TIGIT: variants seen among roughly 807,000 people sequenced by gnomAD.
TIGIT encodes the protein T-cell immunoreceptor with Ig and ITIM domains.
Under a neutral mutation model 19.6 loss-of-function variants are expected in TIGIT, and 11 were observed. The observed-to-expected ratio is 0.56, with a 90% CI of 0.35 to 0.93. The LOEUF (loss-of-function observed/expected upper bound fraction) is 0.93, where lower values mean the gene tolerates loss of function less well. Among genes scored for constraint, TIGIT ranks in the 40% least tolerant of loss-of-function variants. The pLI is 0.01. For synonymous variants in TIGIT, 130 were observed against 125.5 expected (o/e 1.04, Z -0.24); for missense variants, 295 against 303.9 (o/e 0.97, Z 0.22).
chr3:114,303,549 A>ATG (rs1316609329), intron 3 of TIGIT, among the ~76,000 whole-genome samples: 4 of 7,310 alleles, frequency 5.5e-4, no homozygotes, highest in Admixed American at 2.6e-3. Context: ...ACACATATAT[A>ATG]TGTATATATA....
intron 3 of TIGIT, among the ~76,000 whole-genome samples, chr3:114,303,630 T>TATACATATATATGTATATATATAC (rs1281900522): frequency 1.7e-5 from 2 of 115,894 alleles, no homozygotes; most frequent in African/African-American, 6.4e-5. Flanking sequence ...TGTATATATA[T>TATACATATATATGTATATATATAC]ACACACACAC....
At chr3:114,295,233 A>C (rs73238029) in intron 1 of TIGIT, among the ~76,000 whole-genome samples, 29,581 of 152,024 alleles carry the variant, frequency 0.19, 3,538 homozygotes, top group Middle Eastern at 0.36. Flanking sequence ...CTCTGGAAGC[A>C]TAGGGCAGTG....
rs1294185632 is a variant in TIGIT at position 114,295,784 on chromosome 3, A to C, written c.301A>C (p.Asn101His). 3 of 1,614,062 alleles carry C rather than the reference A, an allele frequency of 1.9e-6. No homozygotes were observed. The highest frequency in any genetic ancestry group is 1.3e-5 in the African/African-American group (1 of 74,924). ...LGLTLQSLTV[N>H]DTGEYFCIYH... is the part of the protein sequence containing the mutation. ...CCTCACCCTCCAGTCGCTGACCGTG[A>C]ACGATACAGGGGAGTACTTCTGCAT... is the stretch of plus-strand genomic sequence containing the variant. Residue 101 changes from asparagine (N) to histidine (H), a missense_variant, in exon 2 of 4, where the codon AAC becomes CAC. Transcript: ENST00000383671.
chr3:114,296,846 A>G (rs1438785038), intron 2 of TIGIT, among the ~76,000 whole-genome samples: 3 of 151,370 alleles, frequency 2.0e-5, no homozygotes, highest in Non-Finnish European at 4.4e-5. Flanking sequence ...GTGTAAACTG[A>G]GAAGATAAAA....
chr3:114,305,829 G>T (rs1209443580), intron 3 of TIGIT, among the ~76,000 whole-genome samples: 4 of 150,128 alleles, frequency 2.7e-5, no homozygotes, highest in East Asian at 2.0e-4. Flanking sequence ...TGGATGGATG[G>T]TTGGATGGAT....
At position 114,309,035 on chromosome 3, in the gene TIGIT, G is replaced by A. The variant is rs1000472252; in HGVS notation, c.*904G>A. 1 of 152,252 alleles carries A rather than the reference G, an allele frequency of 6.6e-6. No homozygotes were observed. Among genetic ancestry groups the A allele is most frequent in the African/African-American group, 2.4e-5 (1 of 41,452 alleles). 9.4% of individuals were successfully genotyped at this position (152,252 alleles called of 1,614,324 possible). On this transcript the variant is annotated 3_prime_UTR_variant, in exon 4 of 4. Transcript: ENST00000383671. ...GCCGTGTGTGCTGGGGAAGCCCCAG[G>A]AAACGCACATGCCCACACAGGGAGC...
chr3:114,296,048 C>G (rs774254605), intron 2 of TIGIT, 174 bp downstream of exon 2: 7 of 592,680 alleles, frequency 1.2e-5, no homozygotes, highest in Admixed American at 3.3e-5. Flanking sequence ...ATCAGAATCC[C>G]TAATAGCAGA....
chr3:114,305,780 AGATGGATG>A (rs139399080), intron 3 of TIGIT, among the ~76,000 whole-genome samples: 42,355 of 143,444 alleles, frequency 0.3, 7,059 homozygotes, highest in Middle Eastern at 0.4. Flanking sequence ...TAGGAGATAT[AGATGGATG>A]GATGGATGGA....
In TIGIT at chr3:114,307,292, C is replaced by A. The variant is rs190600970; in HGVS notation, c.499-603C>A. ...GGACACCTGCATCTGGAGCTCAGGG[C>A]AGAAGCCTGGGCTAGTTTAGATAGA... On this transcript the variant is annotated intron_variant, in intron 3 of 3. Coordinates refer to ENST00000383671, the MANE Select transcript of TIGIT (RefSeq NM_173799.4). 9.2e-5 allele frequency among the ~76,000 whole-genome samples: 14 copies of A among 152,240 alleles called. No homozygotes were observed. In the East Asian group the frequency reaches 2.7e-3, roughly 29 times the overall value.
At chr3:114,307,226 C>CT (rs2078541160) in intron 3 of TIGIT, among the ~76,000 whole-genome samples, 1 of 152,158 alleles carries the variant, frequency 6.6e-6, no homozygotes, top group East Asian at 1.9e-4. Context: ...TGAGTCTGAG[C>CT]TTGCCGTGGG....
At chr3:114,305,780 A>G (rs1003505604) in intron 3 of TIGIT, among the ~76,000 whole-genome samples, 2 of 143,650 alleles carry the variant, frequency 1.4e-5, no homozygotes, top group Non-Finnish European at 1.5e-5. Flanking sequence ...TAGGAGATAT[A>G]GATGGATGGA....
intron 3 of TIGIT, among the ~76,000 whole-genome samples, chr3:114,301,363 G>A (rs1018179711): frequency 6.6e-6 from 1 of 152,178 alleles, no homozygotes; most frequent in African/African-American, 2.4e-5. Context: ...GAAAGTCAAT[G>A]ATCTATAATA....
In TIGIT at chr3:114,299,708, T is replaced by G; in HGVS notation, c.498+5T>G. ...GTGGTCGCGTTGACTAGAAAGGTAA[T>G]GGCTCCGGCTGCACACCGCAGTCAT... On this transcript the variant is annotated splice_donor_5th_base_variant and intron_variant, in intron 3 of 3. Coordinates refer to ENST00000383671, the MANE Select transcript of TIGIT (RefSeq NM_173799.4). 6.3e-7 allele frequency: 1 copy of G among 1,598,360 alleles called. No homozygotes were observed.
At chr3:114,305,982 G>A (rs1241107865) in intron 3 of TIGIT, among the ~76,000 whole-genome samples, 1 of 152,152 alleles carries the variant, frequency 6.6e-6, no homozygotes, top group Non-Finnish European at 1.5e-5. Context: ...CTGTCTGCAA[G>A]CTGGAGACCT....
At position 114,307,992 on chromosome 3, in the gene TIGIT, G is replaced by A; in HGVS notation, c.596G>A (p.Ser199Asn). 6.2e-7 allele frequency: 1 copy of A among 1,614,108 alleles called. No homozygotes were observed. Among genetic ancestry groups the A allele is most frequent in the Non-Finnish European group, 8.5e-7 (1 of 1,180,026 alleles). The change falls in exon 4 of 4, where the codon AGC becomes AAC. Residue 199 changes from serine to asparagine, a missense_variant. Physicochemically the swap from Ser to Asn is conservative, Grantham distance 46. Transcript: ENST00000383671. ...WSPSAPSPPG[S>N]CVQAEAAPAG... ...CCCAGTGCTCCCTCACCCCCAGGAA[G>A]CTGTGTCCAGGCAGAAGCTGCACCT...
Position 114,301,400 on chromosome 3 carries a change from A to T in TIGIT, c.498+1697A>T, listed in dbSNP as rs111507855. 3.3e-3 allele frequency among the ~76,000 whole-genome samples: 496 copies of T among 152,332 alleles called. 2 individuals carry two copies. The highest frequency in any genetic ancestry group is 5.6e-3 in the Non-Finnish European group (383 of 68,030). ...TTTCATTTATGTGTTGGCTATCACAATAGACATAATGAGGAAATGAACCCT... is the reference window on the plus strand; with the variant it reads ...TTTCATTTATGTGTTGGCTATCACATTAGACATAATGAGGAAATGAACCCT... On this transcript the variant is annotated intron_variant, in intron 3 of 3. Coordinates refer to ENST00000383671, the MANE Select transcript of TIGIT (RefSeq NM_173799.4).
At chr3:114,298,059 T>C (rs1283124161) in intron 2 of TIGIT, among the ~76,000 whole-genome samples, 2 of 152,216 alleles carry the variant, frequency 1.3e-5, no homozygotes, top group Non-Finnish European at 2.9e-5. Flanking sequence ...ATATTTAAGC[T>C]ATTCCTAACC....
chr3:114,299,703 G>T lies in TIGIT; in HGVS notation c.498G>T (p.Lys166Asn). Residue 166 changes from lysine (K) to asparagine (N), a missense_variant and splice_region_variant, in exon 3 of 4, where the codon AAG becomes AAT. Physicochemically the swap from Lys to Asn is moderately conservative, Grantham distance 94. Coordinates refer to ENST00000383671, the MANE Select transcript of TIGIT (RefSeq NM_173799.4). ...TCGTGGTGGTCGCGTTGACTAGAAA[G>T]GTAATGGCTCCGGCTGCACACCGCA... ...AVIVVVALTR[K>N]KKALRIHSVE... 1 of 1,606,188 alleles carries T rather than the reference G, an allele frequency of 6.2e-7. No individual in the cohort carries two copies.
In TIGIT at chr3:114,296,043, A is replaced by G. The variant is rs2078451699; in HGVS notation, c.391+169A>G. ...GCCTCACCCAGACCAATTCAATCAG[A>G]ATCCCTAATAGCAGAGCTAAACAAG... On this transcript the variant is annotated intron_variant, in intron 2 of 3. Coordinates refer to ENST00000383671, the MANE Select transcript of TIGIT (RefSeq NM_173799.4). 3 of 600,062 alleles carry G rather than the reference A, an allele frequency of 5.0e-6. No homozygotes were observed. The South Asian group carries it at 6.5e-5, about 13-fold the overall frequency. The allele number at this position is 600,062 out of a possible 1,614,324, so 37.2% of individuals were successfully genotyped here.
Sources: gnomAD v4.1 joint callset for allele counts (sites outside exome capture counted in the v4.1 genomes callset) on GRCh38, gnomAD v4.1.1 for gene constraint, MANE v1.5 for transcripts, NCBI Gene and HGNC (gene_info 2026-07-23, HGNC 2026-07-21) for gene names.